SIK3: variants seen among roughly 807,000 people sequenced by gnomAD.
SIK3 encodes the protein SIK family kinase 3, also known as serine/threonine-protein kinase SIK3.
SIK3 carries 28 observed loss-of-function variants against 144.2 expected under a neutral mutation model. The observed-to-expected ratio is 0.19, with a 90% CI of 0.14 to 0.27. SIK3 has a LOEUF of 0.27. Among genes scored for constraint, SIK3 ranks in the 10% least tolerant of loss-of-function variants. SIK3 has a pLI of 1.00. For synonymous variants in SIK3, 686 were observed against 676.3 expected (o/e 1.01, Z -0.22); for missense variants, 1,319 against 1,776.0 (o/e 0.74, Z 4.62).
chr11:116,957,879 T>C (rs138851409), intron 1 of SIK3, among the ~76,000 whole-genome samples: 6 of 152,320 alleles, frequency 3.9e-5, no homozygotes, highest in Admixed American at 1.3e-4. Context: ...TTAGCATACA[T>C]GCACTGCATC....
intron 1 of SIK3, among the ~76,000 whole-genome samples, chr11:117,031,702 T>A (rs958937125): frequency 2.8e-4 from 40 of 141,406 alleles, no homozygotes; most frequent in African/African-American, 1.0e-3. Flanking sequence ...TTTTTTTTTT[T>A]TTTTTTTTTT....
chr11:116,883,665 G>A (rs573247402), intron 6 of SIK3, among the ~76,000 whole-genome samples: 2 of 152,304 alleles, frequency 1.3e-5, no homozygotes, highest in Admixed American at 6.5e-5. Flanking sequence ...CCGGCATGGT[G>A]GCTCACGCCT....
intron 1 of SIK3, among the ~76,000 whole-genome samples, chr11:117,036,967 G>A (rs1952532942): frequency 6.6e-6 from 1 of 152,158 alleles, no homozygotes. Context: ...AGTCATGCAA[G>A]ATCTTAACAT....
chr11:117,090,204 C>T (rs185969195), intron 1 of SIK3, among the ~76,000 whole-genome samples: 4 of 152,258 alleles, frequency 2.6e-5, no homozygotes, highest in Admixed American at 6.5e-5. Context: ...TATCAGTCAT[C>T]CACGGGACTG....
intron 1 of SIK3, among the ~76,000 whole-genome samples, chr11:117,007,558 T>C (rs1951096224): frequency 6.6e-6 from 1 of 152,226 alleles, no homozygotes; most frequent in Admixed American, 6.5e-5. Flanking sequence ...CAGGTGTACA[T>C]GTGCCAATGC....
intron 3 of SIK3, among the ~76,000 whole-genome samples, chr11:116,937,105 G>A (rs948514626): frequency 3.3e-5 from 5 of 152,234 alleles, no homozygotes; most frequent in East Asian, 1.9e-4. Flanking sequence ...TTCTTATCTT[G>A]TGTGTCTTCC....
At chr11:117,017,995 T>G (rs1389905691) in intron 1 of SIK3, among the ~76,000 whole-genome samples, 2 of 152,214 alleles carry the variant, frequency 1.3e-5, no homozygotes, top group Non-Finnish European at 2.9e-5. Context: ...CTTCATATCC[T>G]GCTTTTCATT....
chr11:117,040,688 C>T (rs999112850), intron 1 of SIK3, among the ~76,000 whole-genome samples: 3 of 152,018 alleles, frequency 2.0e-5, no homozygotes, highest in African/African-American at 7.2e-5. Context: ...AAATTGAGCT[C>T]AAGTGAAGAC....
chr11:116,943,180 AT>A, intron 3 of SIK3, among the ~76,000 whole-genome samples: 1 of 125,160 alleles, frequency 8.0e-6, no homozygotes, highest in East Asian at 2.1e-4. Flanking sequence ...AAACTTAGAA[AT>A]GAAAAAAAAA....
At chr11:116,892,569 A>G (rs1474973082) in intron 6 of SIK3, among the ~76,000 whole-genome samples, 2 of 152,220 alleles carry the variant, frequency 1.3e-5, no homozygotes, top group Non-Finnish European at 2.9e-5. Context: ...TGACACCACC[A>G]AATGCTGACA....
chr11:117,005,815 C>T (rs1951024171), intron 1 of SIK3, among the ~76,000 whole-genome samples: 1 of 152,100 alleles, frequency 6.6e-6, no homozygotes, highest in South Asian at 2.1e-4. Context: ...CAGAAAGAGG[C>T]AGGATATCCA....
At chr11:116,870,774 G>T (rs1943928411) in intron 13 of SIK3, among the ~76,000 whole-genome samples, 1 of 152,126 alleles carries the variant, frequency 6.6e-6, no homozygotes, top group Admixed American at 6.5e-5. Context: ...CTTCTAATGG[G>T]GGTGTTTGGG....
rs187413996 is a variant in SIK3 at position 117,035,818 on chromosome 11, G to C, written c.273+62325C>G. The C allele has an allele frequency of 1.9e-3, 2,870 of 1,522,664 alleles. 6 individuals are homozygous for C. Among genetic ancestry groups the C allele is most frequent in the Non-Finnish European group, 2.3e-3 (2,503 of 1,111,850 alleles). 94.3% of individuals were successfully genotyped at this position (1,522,664 alleles called of 1,614,324 possible). On this transcript the variant is annotated intron_variant, in intron 1 of 24. Transcript: ENST00000445177. ...GCTTTTAGTGCTGCTTCCTCCTGAA[G>C]GAACATCCTTCTGTAAGCCTTGCTT...
At position 116,844,750 on chromosome 11, in the gene SIK3, G is replaced by A. The variant is rs2134251328; in HGVS notation, c.*893C>T. 1 of 147,908 alleles carries A rather than the reference G, an allele frequency of 6.8e-6. No homozygotes were observed. The highest frequency in any genetic ancestry group is 6.9e-5 in the Admixed American group (1 of 14,462). The allele number at this position is 147,908 out of a possible 1,614,324, so 9.2% of individuals were successfully genotyped here. A position where few individuals can be genotyped will look rare whatever the true frequency, so the allele number is the denominator to read the frequency against. ...TCCTTTTTATAGCACAATATAAAAT[G>A]AGAATGAAAGATGCCATAGAAAGCA... On this transcript the variant is annotated 3_prime_UTR_variant, in exon 25 of 25. Coordinates refer to ENST00000445177, the MANE Select transcript of SIK3 (RefSeq NM_001366686.3).
At chr11:116,897,687 A>G (rs1376438114) in intron 4 of SIK3, among the ~76,000 whole-genome samples, 1 of 152,186 alleles carries the variant, frequency 6.6e-6, no homozygotes, top group Non-Finnish European at 1.5e-5. Flanking sequence ...TCAGGAGATC[A>G]TTCTGACCAA....
chr11:116,952,099 C>T (rs1390039191), intron 3 of SIK3, among the ~76,000 whole-genome samples: 1 of 151,972 alleles, frequency 6.6e-6, no homozygotes, highest in East Asian at 1.9e-4. Flanking sequence ...CATTGTTTCC[C>T]CACCAATAAA....
intron 1 of SIK3, among the ~76,000 whole-genome samples, chr11:117,067,560 G>C (rs1331386351): frequency 6.6e-6 from 1 of 152,160 alleles, no homozygotes; most frequent in Admixed American, 6.6e-5. Context: ...AACTTTCTGC[G>C]AGACTGAATT....
At chr11:116,977,577 A>G (rs935955548) in intron 1 of SIK3, among the ~76,000 whole-genome samples, 3 of 152,162 alleles carry the variant, frequency 2.0e-5, no homozygotes, top group Admixed American at 6.5e-5. Context: ...AAAGGAAGAG[A>G]TGTCAATTCA....
intron 13 of SIK3, 61 bp from the exon 14 acceptor site, chr11:116,870,462 C>T: frequency 6.2e-7 from 1 of 1,609,504 alleles, no homozygotes; most frequent in Non-Finnish European, 8.5e-7. Context: ...GCCTCTTACT[C>T]TAGTAACTGG....
Sources: gnomAD v4.1 joint callset for allele counts (sites outside exome capture counted in the v4.1 genomes callset) on GRCh38, gnomAD v4.1.1 for gene constraint, MANE v1.5 for transcripts, NCBI Gene and HGNC (gene_info 2026-07-23, HGNC 2026-07-21) for gene names.